The following ALCAM variants were observed in gnomAD, a reference collection of about 807,000 sequenced individuals.
ALCAM encodes CD166 antigen.
ALCAM carries 30 observed loss-of-function variants against 70.9 expected under a neutral mutation model. That is an observed-to-expected ratio of 0.42 (90% CI 0.32 to 0.57). The LOEUF (loss-of-function observed/expected upper bound fraction) is 0.57, where lower values mean the gene tolerates loss of function less well. Among genes scored for constraint, ALCAM ranks in the 20% least tolerant of loss-of-function variants. The pLI is 0.11. For synonymous variants in ALCAM, 249 were observed against 242.5 expected, an observed-to-expected ratio of 1.03 and a Z score of -0.25; for missense variants, 591 against 695.1, an observed-to-expected ratio of 0.85 and a Z score of 1.68.
At chr3:105,414,341 A>G (rs1530069) in intron 1 of ALCAM, among the ~76,000 whole-genome samples, 104,786 of 151,958 alleles carry the variant, frequency 0.69, 36,449 homozygotes, top group East Asian at 0.93. Flanking sequence ...GTATGAGCCC[A>G]GAAGATGGAG....
At chr3:105,416,347 A>G (rs760659955) in intron 1 of ALCAM, among the ~76,000 whole-genome samples, 3 of 152,014 alleles carry the variant, frequency 2.0e-5, no homozygotes, top group Non-Finnish European at 4.4e-5. Context: ...TGGCATTGCT[A>G]CATTCCAGCT....
intron 1 of ALCAM, among the ~76,000 whole-genome samples, chr3:105,421,241 TTGTC>T (rs1936644337): frequency 6.6e-6 from 1 of 151,076 alleles, no homozygotes; most frequent in African/African-American, 2.4e-5. Context: ...TCACCACCAA[TTGTC>T]TGTCTGATTG....
intron 6 of ALCAM, among the ~76,000 whole-genome samples, chr3:105,535,561 A>C (rs1939948998): frequency 6.6e-6 from 1 of 152,184 alleles, no homozygotes; most frequent in Non-Finnish European, 1.5e-5. Flanking sequence ...TTACTTTAAA[A>C]TGGGAAAAAT....
rs151039681 is a variant in ALCAM, at chr3:105,427,125, T to C, written c.73+59644T>C. Among the ~76,000 whole-genome samples, 8 of 151,936 alleles carry C rather than the reference T, an allele frequency of 5.3e-5. No individual in the cohort carries two copies. In the East Asian group the frequency reaches 1.6e-3, roughly 30 times the overall value. ...TTTTCAAAGAAGTATCTTCGGTTCT[T>C]AGAAATCCCATGCCCAGGGTGAAAA... is the stretch of plus-strand genomic sequence containing the variant. On this transcript the variant is annotated intron_variant, in intron 1 of 15. Transcript: ENST00000306107.
chr3:105,543,481 C>G (rs1940172220), intron 8 of ALCAM, among the ~76,000 whole-genome samples: 1 of 151,626 alleles, frequency 6.6e-6, no homozygotes, highest in South Asian at 2.1e-4. Flanking sequence ...CCTATTTTTA[C>G]CCACTTATCT....
At chr3:105,489,165 TC>T (rs1938512255) in intron 1 of ALCAM, among the ~76,000 whole-genome samples, 1 of 152,188 alleles carries the variant, frequency 6.6e-6, no homozygotes, top group Non-Finnish European at 1.5e-5. Flanking sequence ...TGAAGAGTTT[TC>T]TGTTGGAGAG....
intron 1 of ALCAM, among the ~76,000 whole-genome samples, chr3:105,383,678 T>C (rs7619957): frequency 0.95 from 144,845 of 151,700 alleles, 69,502 homozygotes; most frequent in East Asian, 1. Flanking sequence ...AGATTTCTTC[T>C]GAGTGCCAAT....
intron 1 of ALCAM, among the ~76,000 whole-genome samples, chr3:105,407,208 G>A (rs1045753049): frequency 6.6e-6 from 1 of 151,874 alleles, no homozygotes; most frequent in Non-Finnish European, 1.5e-5. Flanking sequence ...CTTCTGTGAA[G>A]TCACTATCAC....
chr3:105,431,566 T>C (rs1281056204), intron 1 of ALCAM, among the ~76,000 whole-genome samples: 1 of 152,012 alleles, frequency 6.6e-6, no homozygotes, highest in Non-Finnish European at 1.5e-5. Flanking sequence ...GAGCCCAAGT[T>C]CAAGAAGTGG....
chr3:105,408,418 C>A (rs1041407269), intron 1 of ALCAM, among the ~76,000 whole-genome samples: 1 of 152,054 alleles, frequency 6.6e-6, no homozygotes, highest in Non-Finnish European at 1.5e-5. Flanking sequence ...TCCAACTGAT[C>A]TTTGACAGAG....
intron 1 of ALCAM, among the ~76,000 whole-genome samples, chr3:105,461,566 C>T (rs1037591775): frequency 3.3e-5 from 5 of 151,590 alleles, no homozygotes; most frequent in East Asian, 1.9e-4. Flanking sequence ...TGAGGTTTAA[C>T]CAAAATTATG....
chr3:105,395,720 A>G (rs1935934340), intron 1 of ALCAM, among the ~76,000 whole-genome samples: 1 of 152,048 alleles, frequency 6.6e-6, no homozygotes, highest in Admixed American at 6.6e-5. Flanking sequence ...TAAGATATGC[A>G]TCTCTATAAT....
intron 14 of ALCAM, among the ~76,000 whole-genome samples, chr3:105,557,197 A>G (rs552306900): frequency 2.4e-4 from 36 of 152,266 alleles, no homozygotes; most frequent in Middle Eastern, 3.4e-3. Flanking sequence ...CTCCACTTGT[A>G]TGAGAAGTCA....
intron 1 of ALCAM, among the ~76,000 whole-genome samples, chr3:105,441,050 GC>G (rs1410490817): frequency 2.0e-5 from 3 of 152,122 alleles, no homozygotes; most frequent in African/African-American, 7.2e-5. Flanking sequence ...ATCCAAGAAT[GC>G]CTGAGCTAAT....
chr3:105,573,043 A>G (rs1940888773), intron 15 of ALCAM, among the ~76,000 whole-genome samples: 1 of 152,180 alleles, frequency 6.6e-6, no homozygotes, highest in South Asian at 2.1e-4. Flanking sequence ...ATTTTAGGCC[A>G]GGTATAGGCA....
At chr3:105,562,554 T>C (rs529068825) in intron 14 of ALCAM, among the ~76,000 whole-genome samples, 27 of 152,202 alleles carry the variant, frequency 1.8e-4, no homozygotes, top group Non-Finnish European at 3.7e-4. Context: ...TTATTAACAA[T>C]TCTTTTGTCT....
At position 105,425,061 on chromosome 3, in the gene ALCAM, T is replaced by G. The variant is rs141165892; in HGVS notation, c.73+57580T>G. ...CCAACCTATGAGTGCCATTTAGCTA[T>G]TTTGATTCTCATTCTACAGATGAGG... is the stretch of plus-strand genomic sequence containing the variant. On this transcript the variant is annotated intron_variant, in intron 1 of 15. Transcript: ENST00000306107. 1.4e-4 allele frequency among the ~76,000 whole-genome samples: 20 copies of G among 147,058 alleles called. No individual in the cohort carries two copies. The East Asian group carries it at 3.9e-3, about 29-fold the overall frequency.
intron 1 of ALCAM, among the ~76,000 whole-genome samples, chr3:105,509,936 T>C (rs1273084208): frequency 1.3e-5 from 2 of 152,068 alleles, no homozygotes; most frequent in East Asian, 3.8e-4. Context: ...CCTTACTAAA[T>C]TGGGGTGGGA....
chr3:105,391,838 G>T (rs987765915), intron 1 of ALCAM, among the ~76,000 whole-genome samples: 42 of 152,022 alleles, frequency 2.8e-4, no homozygotes, highest in African/African-American at 8.7e-4. Context: ...AATTATTGTG[G>T]TTTTTTTCCT....
Sources: allele counts gnomAD v4.1 joint callset (sites outside exome capture counted in the v4.1 genomes callset), GRCh38; gene constraint gnomAD v4.1.1; transcripts MANE v1.5; gene names NCBI Gene and HGNC (gene_info 2026-07-23, HGNC 2026-07-21).